The following ZER1 variants were observed in gnomAD, a reference collection of about 807,000 sequenced individuals.
The protein encoded by ZER1 is zyg-11 related cell cycle regulator.
ZER1 carries 11 observed loss-of-function variants against 78.8 expected under a neutral mutation model. The observed-to-expected ratio is 0.14, with a 90% CI of 0.09 to 0.23. The LOEUF (loss-of-function observed/expected upper bound fraction) is 0.23. Among genes scored for constraint, ZER1 ranks in the 10% least tolerant of loss-of-function variants. The probability of loss-of-function intolerance (pLI) is 1.00; values close to 1 mark genes in which losing one functional copy is unlikely to be tolerated. For synonymous variants in ZER1, 400 were observed against 407.0 expected (o/e 0.98, Z 0.21); for missense variants, 588 against 996.9 (o/e 0.59, Z 5.52).
At chr9:128,737,851 C>T (rs1863139763) in intron 13 of ZER1, among the ~76,000 whole-genome samples, 2 of 147,736 alleles carry the variant, frequency 1.4e-5, no homozygotes, top group African/African-American at 5.0e-5. Context: ...TACAGGTGCC[C>T]ACCACCATGC....
In ZER1 at chr9:128,744,920, ATG is replaced by A. The variant is rs150694958; in HGVS notation, c.1360-2177_1360-2176del. 1.9e-3 allele frequency among the ~76,000 whole-genome samples: 294 copies of A among 152,272 alleles called. 9 individuals carry two copies. In the East Asian group the frequency reaches 0.052, roughly 27 times the overall value. On this transcript the variant is annotated intron_variant, in intron 8 of 15. Transcript: ENST00000291900. ...TTTTCATCCATTCTACTGCTGATGG[ATG>A]TCTGGGTGACTCTAAGAGTTGGCTA...
At chr9:128,746,607 C>T (rs756205258) in intron 8 of ZER1, among the ~76,000 whole-genome samples, 6 of 151,484 alleles carry the variant, frequency 4.0e-5, no homozygotes, top group Admixed American at 1.3e-4. Context: ...GGGCTACAGA[C>T]GCATAGCACC....
Position 128,750,656 on chromosome 9 carries a change from T to C in ZER1, c.1319A>G (p.Gln440Arg). 1.2e-6 allele frequency: 2 copies of C among 1,614,212 alleles called. No individual in the cohort carries two copies. The highest frequency in any genetic ancestry group is 1.7e-6 in the Non-Finnish European group (2 of 1,180,036). The change falls in exon 8 of 16, where the codon CAG (glutamine) becomes CGG (arginine). Residue 440 changes from glutamine to arginine, a missense_variant. This residue lies in a region of ZER1 where 406 missense variants were observed against 660.1 expected (regional missense o/e 0.62). Transcript: ENST00000291900. ...QSVKLRRQVIQVVLNGMESYQ... is the reference protein window; with the variant it reads ...QSVKLRRQVIRVVLNGMESYQ... ...GGATTCCATGCCATTCAGCACCACC[T>C]GGATAACCTGCCGGCGCAGCTTCAC... is the stretch of plus-strand genomic sequence containing the variant.
intron 8 of ZER1, among the ~76,000 whole-genome samples, chr9:128,743,123 C>CT (rs557303084): frequency 0.04 from 5,774 of 146,018 alleles, 140 homozygotes; most frequent in East Asian, 0.092. Flanking sequence ...CTTTTTCTTT[C>CT]TTTTTTTTTT....
chr9:128,734,167 TCTTAAAAA>T (rs1239689805), intron 14 of ZER1, among the ~76,000 whole-genome samples: 3 of 51,384 alleles, frequency 5.8e-5, no homozygotes, highest in Admixed American at 3.0e-4. Flanking sequence ...ATATATAAAA[TCTTAAAAA>T]AAATATATAT....
Position 128,739,922 on chromosome 9 carries a change from T to TGCCCA in ZER1, c.2042+4_2042+8dup. On this transcript the variant is annotated intron_variant, in intron 13 of 15. Transcript: ENST00000291900. ...CACACCGCATCCCCGCTCCCTGCCC[T>TGCCCA]GCCCACACCTGTAATTGATGTTTCT... The TGCCCA allele has an allele frequency of 4.4e-6, 7 of 1,600,566 alleles. No homozygotes were observed. The highest frequency in any genetic ancestry group is 6.0e-6 in the Non-Finnish European group (7 of 1,168,598).
In ZER1 at chr9:128,730,974, T is replaced by A. The variant is rs1227203873; in HGVS notation, c.*363A>T. On this transcript the variant is annotated 3_prime_UTR_variant, in exon 16 of 16. Transcript: ENST00000291900. ...GGATCTGAGTTTCCTGGACAAGGAC[T>A]GGACACTCACAGCGTTATAGGCATT... 1 of 153,270 alleles carries A rather than the reference T, an allele frequency of 6.5e-6. No individual in the cohort carries two copies. Among genetic ancestry groups the A allele is most frequent in the African/African-American group, 2.4e-5 (1 of 41,440 alleles). The allele number at this position is 153,270 out of a possible 1,614,324, so 9.5% of individuals were successfully genotyped here.
intron 1 of ZER1, among the ~76,000 whole-genome samples, chr9:128,767,352 T>C (rs1864248449): frequency 6.6e-6 from 1 of 151,996 alleles, no homozygotes; most frequent in Admixed American, 6.6e-5. Context: ...GTTCAAGCAA[T>C]CTCCCACCTC....
At chr9:128,743,171 G>A (rs1040794159) in intron 8 of ZER1, among the ~76,000 whole-genome samples, 1 of 151,292 alleles carries the variant, frequency 6.6e-6, no homozygotes, top group Non-Finnish European at 1.5e-5. Flanking sequence ...AGGCTGGAGT[G>A]CAGTGGACCT....
intron 13 of ZER1, among the ~76,000 whole-genome samples, chr9:128,738,002 C>T (rs1416114070): frequency 2.5e-4 from 38 of 151,370 alleles, no homozygotes; most frequent in Non-Finnish European, 4.0e-4. Context: ...TGTGCCCGGC[C>T]CTGTTTTGTT....
intron 1 of ZER1, among the ~76,000 whole-genome samples, chr9:128,770,810 G>A (rs1232190472): frequency 6.6e-6 from 1 of 152,156 alleles, no homozygotes; most frequent in Non-Finnish European, 1.5e-5. Context: ...GAAACATTCT[G>A]TGAAAGATCA....
rs764489496 is a variant in ZER1 at position 128,740,923 on chromosome 9, G to C, written c.1738-36C>G. 2.8e-5 allele frequency: 22 copies of C among 776,434 alleles called. No individual in the cohort carries two copies. In the Admixed American group the frequency reaches 3.6e-4, roughly 13 times the overall value. The allele number at this position is 776,434 out of a possible 1,614,324, so 48.1% of individuals were successfully genotyped here. A position where few individuals can be genotyped will look rare whatever the true frequency, so the allele number is the denominator to read the frequency against. ...GAGAGCCAATGGGCCGCATCAATTA[G>C]TACTTAATGACTTAGTATCTGGTAT... is the stretch of plus-strand genomic sequence containing the variant. On this transcript the variant is annotated intron_variant, in intron 11 of 15. Transcript: ENST00000291900. The surrounding 1 kb of genome is among the most constrained non-coding windows in gnomAD (Gnocchi z 4.4).
At chr9:128,744,284 C>T (rs755741324) in intron 8 of ZER1, among the ~76,000 whole-genome samples, 10 of 152,042 alleles carry the variant, frequency 6.6e-5, no homozygotes, top group African/African-American at 2.2e-4. Context: ...CTCTGCCTCG[C>T]GGGTCCAAGC....
At chr9:128,742,084 C>T (rs1236895325) in intron 9 of ZER1, among the ~76,000 whole-genome samples, 1 of 152,244 alleles carries the variant, frequency 6.6e-6, no homozygotes, top group Non-Finnish European at 1.5e-5. Flanking sequence ...ACTTTGGGCA[C>T]AGCCCTTCCC....
At chr9:128,734,271 A>AC (rs1389846648) in intron 14 of ZER1, among the ~76,000 whole-genome samples, 2 of 143,170 alleles carry the variant, frequency 1.4e-5, no homozygotes, top group Non-Finnish European at 3.0e-5. Context: ...ATCTGAGCTC[A>AC]CTGCAACCTC....
intron 1 of ZER1, among the ~76,000 whole-genome samples, chr9:128,759,955 C>A (rs1435348377): frequency 6.6e-6 from 1 of 152,112 alleles, no homozygotes; most frequent in Non-Finnish European, 1.5e-5. Context: ...TCACGGCTCA[C>A]CGCAGCCTTG....
chr9:128,751,596 T>C lies in ZER1; in HGVS notation c.924-69A>G, dbSNP rs1335065455. On this transcript the variant is annotated intron_variant, in intron 5 of 15. Coordinates refer to ENST00000291900, the MANE Select transcript of ZER1 (RefSeq NM_006336.4). This position sits in a 1 kb window ranked among gnomAD's most constrained non-coding sequence, Gnocchi z 5.4. ...CTGAGCTGGGCCTCCCCACTGGGGG[T>C]GGTGAGGCATTTCCTTGCTTTCTCT... 3.0e-6 allele frequency: 4 copies of C among 1,336,950 alleles called. No homozygotes were observed. Among genetic ancestry groups the C allele is most frequent in the Non-Finnish European group, 3.2e-6 (3 of 945,778 alleles). 82.8% of individuals were successfully genotyped at this position (1,336,950 alleles called of 1,614,324 possible).
At chr9:128,744,540 G>A (rs185252828) in intron 8 of ZER1, among the ~76,000 whole-genome samples, 19 of 147,780 alleles carry the variant, frequency 1.3e-4, no homozygotes, top group South Asian at 2.1e-4. Flanking sequence ...ATGCAATGGC[G>A]TGATCTCAGC....
rs747943052 is a variant in ZER1 at position 128,741,561 on chromosome 9, T to G, written c.1711A>C (p.Met571Leu). The G allele has an allele frequency of 4.3e-6, 7 of 1,614,204 alleles. No homozygotes were observed. In the Admixed American group the frequency reaches 8.3e-5, roughly 19 times the overall value. Residue 571 changes from methionine to leucine, a missense_variant, in exon 11 of 16, where the codon ATG becomes CTG. This residue lies in a region of ZER1 where 60 missense variants were observed against 163.3 expected (regional missense o/e 0.37). Coordinates refer to ENST00000291900, the MANE Select transcript of ZER1 (RefSeq NM_006336.4). ...TTCAGGCAGTCCAGGAAGAGCTTCA[T>G]GCCGTTGAAATTGAGGAACATCTCG... ...NCEMFLNFNG[M>L]KLFLDCLKEF... is the part of the protein sequence containing the mutation.
Sources: gnomAD v4.1 joint callset for allele counts (sites outside exome capture counted in the v4.1 genomes callset) on GRCh38, gnomAD v4.1.1 for gene constraint, gnomAD v4.1.1 regional missense constraint, Gnocchi (gnomAD v3.1) non-coding constraint, MANE v1.5 for transcripts, NCBI Gene and HGNC (gene_info 2026-07-23, HGNC 2026-07-21) for gene names.